Variants in MROH1 observed in about 807,000 individuals in gnomAD.
MROH1 encodes the protein maestro heat like repeat family member 1.
MROH1 carries 117 observed loss-of-function variants against 116.5 expected under a neutral mutation model. The ratio of observed to expected loss-of-function variants is 1.00; its 90% CI spans 0.86 to 1.17. MROH1 has a LOEUF of 1.17. MROH1 is among the 50% of genes most tolerant of loss of function. The pLI is 0.00. For synonymous variants in MROH1, 921 were observed against 583.9 expected (o/e 1.58, Z -8.32); for missense variants, 1,873 against 1,338.5 (o/e 1.40, Z -6.23).
At position 144,247,322 on chromosome 8, in the gene MROH1, C is replaced by G. The variant is rs1189755634; in HGVS notation, c.2893C>G (p.Leu965Val). ...RVSALVPFHN[L>V]GLLIGLFSPR... is the part of the protein sequence containing the mutation. ...CCAGGCCCTGGTGCCCTTCCACAAC[C>G]TGGGCCTTCTCATCGGCCTCTTCTC... The change falls in exon 30 of 44, where the codon CTG becomes GTG. Residue 965 changes from leucine (L) to valine (V), a missense_variant. Physicochemically the swap from Leu to Val is conservative, Grantham distance 32. Transcript: ENST00000326134. 1.3e-6 allele frequency: 1 copy of G among 773,032 alleles called. No individual in the cohort carries two copies. Among genetic ancestry groups the G allele is most frequent in the African/African-American group, 1.7e-5 (1 of 59,016 alleles). The allele number at this position is 773,032 out of a possible 1,614,324, so 47.9% of individuals were successfully genotyped here.
At chr8:144,156,725 A>AG (rs1818202530) in intron 1 of MROH1, among the ~76,000 whole-genome samples, 1 of 149,762 alleles carries the variant, frequency 6.7e-6, no homozygotes, top group African/African-American at 2.4e-5. Flanking sequence ...AAAAAAAAAA[A>AG]AAAAAGAATT....
chr8:144,160,448 A>G (rs1163878423), intron 1 of MROH1, among the ~76,000 whole-genome samples: 1 of 152,234 alleles, frequency 6.6e-6, no homozygotes, highest in African/African-American at 2.4e-5. Context: ...TTGTTCTCCT[A>G]CAAGGCATTT....
intron 12 of MROH1, chr8:144,213,114 TTG>T: frequency 1.3e-6 from 1 of 773,504 alleles, no homozygotes; most frequent in South Asian, 1.3e-5. Context: ...CCCGCGTCTG[TTG>T]CTTGAGTCAC....
At chr8:144,157,025 G>A (rs1209416956) in intron 1 of MROH1, among the ~76,000 whole-genome samples, 2 of 151,862 alleles carry the variant, frequency 1.3e-5, no homozygotes, top group Non-Finnish European at 2.9e-5. Context: ...GCGTGATCTC[G>A]GCTCACTGCA....
rs1844434454 is a variant in MROH1, at chr8:144,258,905, G to A, written c.3920G>A (p.Arg1307Lys). The A allele has an allele frequency of 1.3e-6, 1 of 752,580 alleles. No homozygotes were observed. Among genetic ancestry groups the A allele is most frequent in the African/African-American group, 1.7e-5 (1 of 58,612 alleles). 46.6% of individuals were successfully genotyped at this position (752,580 alleles called of 1,614,324 possible). A position where few individuals can be genotyped will look rare whatever the true frequency, so the allele number is the denominator to read the frequency against. The change falls in exon 36 of 44, where the codon AGG becomes AAG. Residue 1307 changes from arginine to lysine, a missense_variant. Transcript: ENST00000326134. ...TSAGHEEGAT[R>K]LARAMAEHAG... ...GCGGGGCATGAGGAGGGGGCCACCA[G>A]GTTGGCCAGGTGAGCGGGCCCAGCC... is the stretch of plus-strand genomic sequence containing the variant.
chr8:144,235,322 C>CT (rs1235882474), intron 14 of MROH1, among the ~76,000 whole-genome samples: 1 of 152,064 alleles, frequency 6.6e-6, no homozygotes, highest in Non-Finnish European at 1.5e-5. Context: ...AGTTTTACTT[C>CT]TTTTTTTTCA....
chr8:144,239,332 C>A lies in MROH1; in HGVS notation c.1601C>A (p.Pro534Gln). 1 of 780,470 alleles carries A rather than the reference C, an allele frequency of 1.3e-6. No homozygotes were observed. Among genetic ancestry groups the A allele is most frequent in the South Asian group, 1.3e-5 (1 of 74,606 alleles). 48.3% of individuals were successfully genotyped at this position (780,470 alleles called of 1,614,324 possible). Residue 534 changes from proline to glutamine, a missense_variant, in exon 17 of 44, where the codon CCG becomes CAG. Coordinates refer to ENST00000326134, the MANE Select transcript of MROH1 (RefSeq NM_032450.3). The stretch of plus-strand genomic sequence containing the variant: ...CACCTCTCATCTCCAGCGAGCCTCC[C>A]GTCTCCCTATGCTGTAACCGGAAGA... Reference protein sequence around the residue: ...LIQYDAHASLPSPYAVTGRLL... With the variant: ...LIQYDAHASLQSPYAVTGRLL...
At chr8:144,197,382 A>G (rs1830144063) in intron 10 of MROH1, among the ~76,000 whole-genome samples, 1 of 125,832 alleles carries the variant, frequency 7.9e-6, no homozygotes, top group Non-Finnish European at 1.6e-5. Context: ...CTGCAGGGTG[A>G]GTGATCTGAA....
At chr8:144,258,008 C>G (rs1241088246) in intron 35 of MROH1, among the ~76,000 whole-genome samples, 3 of 152,200 alleles carry the variant, frequency 2.0e-5, no homozygotes, top group Non-Finnish European at 4.4e-5. Flanking sequence ...GGGTCACACA[C>G]TACGCCCCAC....
intron 35 of MROH1, among the ~76,000 whole-genome samples, chr8:144,256,917 C>T (rs1047421432): frequency 6.6e-6 from 1 of 152,240 alleles, no homozygotes; most frequent in Admixed American, 6.5e-5. Flanking sequence ...TTGCAGGGCT[C>T]GAGGCCTGGA....
At chr8:144,167,740 C>T (rs937885350) in intron 3 of MROH1, among the ~76,000 whole-genome samples, 1 of 152,166 alleles carries the variant, frequency 6.6e-6, no homozygotes. Context: ...GACTGAGAGC[C>T]ATAGGATGAG....
At position 144,233,681 on chromosome 8, in the gene MROH1, C is replaced by G. The variant is rs182650781; in HGVS notation, c.1339-5075C>G. Among the ~76,000 whole-genome samples the G allele has an allele frequency of 2.6e-3, 389 of 152,360 alleles. 1 individual carries two copies. Among genetic ancestry groups the G allele is most frequent in the African/African-American group, 8.9e-3 (370 of 41,578 alleles). Reference sequence around the variant, plus strand: ...ATGGTGTGGCGCTGCCAGAATTTCACTCCTTCAGGGCTCAATATTCCCTGT... The same window carrying G: ...ATGGTGTGGCGCTGCCAGAATTTCAGTCCTTCAGGGCTCAATATTCCCTGT... On this transcript the variant is annotated intron_variant, in intron 14 of 43. Transcript: ENST00000326134.
chr8:144,239,837 C>T, intron 18 of MROH1, 82 bp downstream of exon 18: 1 of 700,200 alleles, frequency 1.4e-6, no homozygotes, highest in South Asian at 1.5e-5. Flanking sequence ...TCTGACCCCA[C>T]CTTTGCCAAG....
At chr8:144,183,515 G>A (rs768374431) in intron 7 of MROH1, among the ~76,000 whole-genome samples, 10 of 151,780 alleles carry the variant, frequency 6.6e-5, no homozygotes, top group Middle Eastern at 3.4e-3. Flanking sequence ...GCATCCTTCT[G>A]ATCAATCAGA....
rs1249894790 is a variant in MROH1 at position 144,260,799 on chromosome 8, G to A, written c.4503G>A (p.Leu1501=). The change falls in exon 40 of 44, where the codon CTG becomes CTA. Residue 1501 remains leucine, a synonymous_variant. Coordinates refer to ENST00000326134, the MANE Select transcript of MROH1 (RefSeq NM_032450.3). ...TGGGCGGGCTGGCGCCCCTGCTGCT[G>A]CACCTGCAGGACCCTCAGGCCACCG... ...QVVGGLAPLL[L]HLQDPQATVA... is the part of the protein sequence containing the mutation. 1 of 777,994 alleles carries A rather than the reference G, an allele frequency of 1.3e-6. No individual in the cohort carries two copies. The highest frequency in any genetic ancestry group is 2.4e-5 in the East Asian group (1 of 41,250). 48.2% of individuals were successfully genotyped at this position (777,994 alleles called of 1,614,324 possible).
chr8:144,201,476 G>A (rs894122368), intron 12 of MROH1, among the ~76,000 whole-genome samples: 1 of 152,306 alleles, frequency 6.6e-6, no homozygotes, highest in East Asian at 1.9e-4. Context: ...ATGGCCCACC[G>A]GCCCTGCAGC....
chr8:144,255,503 C>T lies in MROH1; in HGVS notation c.3595-6C>T, dbSNP rs1353365778. On this transcript the variant is annotated splice_polypyrimidine_tract_variant and splice_region_variant and intron_variant, in intron 34 of 43. Coordinates refer to ENST00000326134, the MANE Select transcript of MROH1 (RefSeq NM_032450.3). ...AGGCATGGCCCTGTGATGACTTCTC[C>T]CCCAGGCTACCTGTGCACTGTTTGA... 1.3e-6 allele frequency: 1 copy of T among 778,532 alleles called. No individual in the cohort carries two copies. The highest frequency in any genetic ancestry group is 1.7e-5 in the Admixed American group (1 of 59,000). The allele number at this position is 778,532 out of a possible 1,614,324, so 48.2% of individuals were successfully genotyped here.
At chr8:144,250,414 C>G (rs1193138250) in intron 33 of MROH1, 48 bp downstream of exon 33, 8 of 726,430 alleles carry the variant, frequency 1.1e-5, no homozygotes, top group Non-Finnish European at 2.0e-5. Context: ...GAATGATGCT[C>G]CCCCTGGAAT....
At chr8:144,209,456 T>C (rs1833612321) in intron 12 of MROH1, among the ~76,000 whole-genome samples, 2 of 151,746 alleles carry the variant, frequency 1.3e-5, no homozygotes, top group Non-Finnish European at 1.5e-5. Flanking sequence ...GGCGGGCGCC[T>C]GTAGTTCCAG....
Sources: allele counts gnomAD v4.1 joint callset (sites outside exome capture counted in the v4.1 genomes callset), GRCh38; gene constraint gnomAD v4.1.1; transcripts MANE v1.5; gene names NCBI Gene and HGNC (gene_info 2026-07-23, HGNC 2026-07-21).